Variants in C16orf89 observed in about 807,000 individuals in gnomAD.
C16orf89 encodes chromosome 16 open reading frame 89.
A neutral mutation model predicts 41.5 loss-of-function variants in C16orf89; 57 were observed. The observed-to-expected ratio is 1.38, with a 90% confidence interval of 1.11 to 1.71. The LOEUF (loss-of-function observed/expected upper bound fraction) is 1.71, where lower values mean the gene tolerates loss of function less well. Among genes scored for constraint, C16orf89 ranks in the 40% most tolerant of loss-of-function variants. The pLI is 0.00. For synonymous variants in C16orf89, 223 were observed against 190.6 expected, an observed-to-expected ratio of 1.17 and a Z score of -1.40; for missense variants, 575 against 445.9, an observed-to-expected ratio of 1.29 and a Z score of -2.61.
chr16:5,056,287 AAGGGGCTGTGTTT>A, intron 4 of C16orf89, 99 bp from the exon 5 acceptor site: 1 of 1,231,892 alleles, frequency 8.1e-7, no homozygotes, highest in South Asian at 1.6e-5. Flanking sequence ...ACGGTCTTGC[AAGGGGCTGTGTTT>A]AGGGCTGTGT....
Position 5,055,246 on chromosome 16 carries a change from C to T in C16orf89, c.868G>A (p.Asp290Asn), listed in dbSNP as rs1312929378. 2 of 1,606,578 alleles carry T rather than the reference C, an allele frequency of 1.2e-6. No homozygotes were observed. Among genetic ancestry groups the T allele is most frequent in the Non-Finnish European group, 1.7e-6 (2 of 1,174,746 alleles). The change falls in exon 6 of 8, where the codon GAT becomes AAT. Residue 290 changes from aspartate to asparagine, a missense_variant and splice_region_variant. Transcript: ENST00000472572. ...KQQEGCFGEP[D>N]AEDEELSKAI... Reference sequence around the variant, plus strand: ...TAGCCAGGGCAGCAGCGCAGCTCACCAGGCTCCCCGAAGCATCCTTCCTGC... The same window carrying T: ...TAGCCAGGGCAGCAGCGCAGCTCACTAGGCTCCCCGAAGCATCCTTCCTGC...
intron 6 of C16orf89, among the ~76,000 whole-genome samples, chr16:5,052,355 G>A (rs1293192300): frequency 3.9e-5 from 6 of 152,140 alleles, no homozygotes; most frequent in African/African-American, 1.4e-4. Flanking sequence ...TTAGGAGGCC[G>A]TGGCTGGTGG....
chr16:5,055,717 G>T, intron 5 of C16orf89: 5 of 1,508,660 alleles, frequency 3.3e-6, no homozygotes, highest in Non-Finnish European at 3.5e-6. Context: ...TCCGTCACTG[G>T]GGCAGCCTTT....
At chr16:5,057,828 C>G (rs1956541572) in intron 4 of C16orf89, among the ~76,000 whole-genome samples, 1 of 151,928 alleles carries the variant, frequency 6.6e-6, no homozygotes, top group African/African-American at 2.4e-5. Flanking sequence ...CGTGCCCGGC[C>G]TCATTCATTT....
At chr16:5,054,679 G>T (rs1055750574) in intron 6 of C16orf89, among the ~76,000 whole-genome samples, 1 of 152,156 alleles carries the variant, frequency 6.6e-6, no homozygotes, top group Admixed American at 6.5e-5. Context: ...TTGAATTGTA[G>T]CTCCCATAAT....
chr16:5,058,464 G>T, intron 4 of C16orf89, 29 bp downstream of exon 4: 1 of 1,550,102 alleles, frequency 6.5e-7, no homozygotes, highest in Non-Finnish European at 8.9e-7. Context: ...CCCTTCCCCT[G>T]GCACGGCGGG....
intron 7 of C16orf89, chr16:5,044,767 C>G: frequency 8.9e-7 from 1 of 1,121,642 alleles, no homozygotes; most frequent in Non-Finnish European, 1.2e-6. Flanking sequence ...TTGCTTGAAC[C>G]CAGGAGGCAA....
chr16:5,061,047 G>A (rs1040717787), intron 2 of C16orf89, among the ~76,000 whole-genome samples: 2 of 149,734 alleles, frequency 1.3e-5, no homozygotes, highest in Admixed American at 6.7e-5. Flanking sequence ...AATCACTTGA[G>A]GTCAGGAGTT....
chr16:5,044,724 G>T, intron 7 of C16orf89: 1 of 990,704 alleles, frequency 1.0e-6, no homozygotes, highest in Non-Finnish European at 1.4e-6. Context: ...CGCTCCTGTA[G>T]TCCCAGCTAC....
At chr16:5,054,068 G>T (rs1346112636) in intron 6 of C16orf89, among the ~76,000 whole-genome samples, 1 of 152,150 alleles carries the variant, frequency 6.6e-6, no homozygotes. Flanking sequence ...TACATCTGGA[G>T]GCCTAAGAAT....
At position 5,061,264 on chromosome 16, in the gene C16orf89, GA is replaced by G. The variant is rs60439270; in HGVS notation, c.359-829del. Among the ~76,000 whole-genome samples, 241 of 57,812 alleles carry G rather than the reference GA, an allele frequency of 4.2e-3. 3 individuals are homozygous for G. The highest frequency in any genetic ancestry group is 0.04 in the Admixed American group (153 of 3,826). 37.9% of individuals were successfully genotyped at this position (57,812 alleles called of 152,430 possible). A position where few individuals can be genotyped will look rare whatever the true frequency, so the allele number is the denominator to read the frequency against. ...GTGACAGAGCAAGACTCCATCTCAA[GA>G]AAAAAAAAAAAAAAAAAAAGCCGGG... On this transcript the variant is annotated intron_variant, in intron 2 of 7. Transcript: ENST00000472572.
In C16orf89 at chr16:5,055,391, AG is replaced by A. The variant is rs1567154810; in HGVS notation, c.764-42del. 3 of 1,504,050 alleles carry A rather than the reference AG, an allele frequency of 2.0e-6. No homozygotes were observed. The South Asian group carries it at 3.5e-5, about 18-fold the overall frequency. The allele number at this position is 1,504,050 out of a possible 1,614,324, so 93.2% of individuals were successfully genotyped here. On this transcript the variant is annotated intron_variant, in intron 5 of 7. Coordinates refer to ENST00000472572, the MANE Select transcript of C16orf89 (RefSeq NM_001098514.3). ...GGGGCCCTCTGCAGGCCTGCCCCCC[AG>A]GCCCACCTCCTCCCACTCCCCAGGG...
chr16:5,051,823 G>A (rs1956401783), intron 6 of C16orf89, among the ~76,000 whole-genome samples: 1 of 152,176 alleles, frequency 6.6e-6, no homozygotes, highest in Non-Finnish European at 1.5e-5. Flanking sequence ...AATATGGCCA[G>A]GTGCGGTGGC....
At chr16:5,062,278 T>C in intron 2 of C16orf89, 147 bp downstream of exon 2, 1 of 1,044,980 alleles carries the variant, frequency 9.6e-7, no homozygotes, top group East Asian at 2.9e-5. Context: ...CCAGGGCTCG[T>C]CTGTGGCTTG....
intron 4 of C16orf89, among the ~76,000 whole-genome samples, chr16:5,058,232 T>C (rs1002226657): frequency 3.3e-5 from 5 of 152,030 alleles, no homozygotes; most frequent in African/African-American, 1.2e-4. Flanking sequence ...GTTCCAGTGA[T>C]TCTCCTGCCT....
In C16orf89 at chr16:5,058,515, A is replaced by C. The variant is rs376545704; in HGVS notation, c.605T>G (p.Leu202Arg). The change falls in exon 4 of 8, where the codon CTC (leucine) becomes CGC (arginine). Residue 202 changes from leucine (L) to arginine (R), a missense_variant. Leu to Arg is a moderately radical substitution (Grantham distance 102). Coordinates refer to ENST00000472572, the MANE Select transcript of C16orf89 (RefSeq NM_001098514.3). Reference sequence around the variant, plus strand: ...CACCATTCTGGCCCAGAGGAAGAAGAGCAGTTGGTGGGACAGGCAGTAGCC... The same window carrying C: ...CACCATTCTGGCCCAGAGGAAGAAGCGCAGTTGGTGGGACAGGCAGTAGCC... ...CSGYCLSHQL[L>R]FFLWARMRGC... 1 of 1,610,544 alleles carries C rather than the reference A, an allele frequency of 6.2e-7. No individual in the cohort carries two copies. The highest frequency in any genetic ancestry group is 8.5e-7 in the Non-Finnish European group (1 of 1,178,164).
intron 5 of C16orf89, chr16:5,055,633 A>G: frequency 2.7e-6 from 4 of 1,474,430 alleles, no homozygotes; most frequent in East Asian, 2.5e-5. Flanking sequence ...CAGCCTCCCA[A>G]GCGCTCCCTG....
At chr16:5,046,889 C>G (rs1007128090) in intron 7 of C16orf89, among the ~76,000 whole-genome samples, 13 of 152,178 alleles carry the variant, frequency 8.5e-5, no homozygotes, top group Non-Finnish European at 1.9e-4. Context: ...AAAGAGGGCA[C>G]TATTCATAAT....
At chr16:5,044,607 T>G (rs1381125023) in intron 7 of C16orf89, 129 bp from the exon 8 acceptor site, 1 of 1,498,286 alleles carries the variant, frequency 6.7e-7, no homozygotes, top group Non-Finnish European at 9.0e-7. Context: ...TTTGGGAGCC[T>G]GAGGTGGGCG....
Sources: gnomAD v4.1 joint callset for allele counts (sites outside exome capture counted in the v4.1 genomes callset) on GRCh38, gnomAD v4.1.1 for gene constraint, MANE v1.5 for transcripts, NCBI Gene and HGNC (gene_info 2026-07-23, HGNC 2026-07-21) for gene names.